PI4KA: variants seen among roughly 807,000 people sequenced by gnomAD.
PI4KA encodes phosphatidylinositol 4-kinase alpha, also known as PI4-kinase alpha.
In PI4KA, 122 loss-of-function variants were observed where a neutral mutation model predicts 271.4. That is an observed-to-expected ratio of 0.45 (90% CI 0.39 to 0.52). The LOEUF (loss-of-function observed/expected upper bound fraction) is 0.52. Among genes scored for constraint, PI4KA ranks in the 20% least tolerant of loss-of-function variants. The probability of loss-of-function intolerance (pLI) is 0.00; values close to 1 mark genes in which losing one functional copy is unlikely to be tolerated. For synonymous variants in PI4KA, 1,041 were observed against 1,078.8 expected (o/e 0.96, Z 0.69); for missense variants, 1,969 against 2,769.1 (o/e 0.71, Z 6.48).
At chr22:20,840,363 C>G (rs1187203772) in intron 1 of PI4KA, among the ~76,000 whole-genome samples, 1 of 152,184 alleles carries the variant, frequency 6.6e-6, no homozygotes, top group African/African-American at 2.4e-5. Flanking sequence ...CAGGTCCAGA[C>G]AGAGAAGGTC....
intron 23 of PI4KA, among the ~76,000 whole-genome samples, chr22:20,755,665 G>A (rs1209248007): frequency 6.6e-6 from 1 of 152,052 alleles, no homozygotes; most frequent in Non-Finnish European, 1.5e-5. Context: ...GCTGGGCACG[G>A]TGGTGCACAC....
chr22:20,742,962 C>G, intron 30 of PI4KA, 198 bp from the exon 31 acceptor site: 1 of 575,362 alleles, frequency 1.7e-6, no homozygotes, highest in South Asian at 2.1e-5. Context: ...TAAAGAACAG[C>G]TCCTCTAGAA....
At chr22:20,822,629 G>C (rs1431624690) in intron 4 of PI4KA, among the ~76,000 whole-genome samples, 1 of 152,108 alleles carries the variant, frequency 6.6e-6, no homozygotes, top group Non-Finnish European at 1.5e-5. Context: ...TCACCCTTTG[G>C]GACAGTCCTT....
intron 19 of PI4KA, chr22:20,784,319 C>T (rs1934036436): frequency 6.3e-7 from 1 of 1,594,574 alleles, no homozygotes; most frequent in South Asian, 1.1e-5. Context: ...GAAAATGGAT[C>T]ATTTTTTTAA....
chr22:20,856,140 C>A (rs1180268403), intron 1 of PI4KA, among the ~76,000 whole-genome samples: 2 of 152,104 alleles, frequency 1.3e-5, no homozygotes, highest in Non-Finnish European at 2.9e-5. Flanking sequence ...TACTAAACCC[C>A]GTCTCTACTA....
chr22:20,851,186 CCTAT>C (rs1329598668), intron 1 of PI4KA, among the ~76,000 whole-genome samples: 1 of 100,810 alleles, frequency 9.9e-6, no homozygotes, highest in Non-Finnish European at 1.9e-5. Context: ...ACAGTGAGAC[CCTAT>C]CTATTTTTTT....
intron 32 of PI4KA, chr22:20,736,878 A>C (rs1445351593): frequency 6.5e-6 from 1 of 153,348 alleles, no homozygotes; most frequent in Non-Finnish European, 1.5e-5. Flanking sequence ...CAGTGATGAG[A>C]GGGACCTCGC....
chr22:20,742,536 TGGCTATG>T (rs1276700560), intron 31 of PI4KA, 65 bp downstream of exon 31: 6 of 1,581,256 alleles, frequency 3.8e-6, no homozygotes, highest in Non-Finnish European at 4.3e-6. Flanking sequence ...GTACTCCAGC[TGGCTATG>T]GGTCATCAAG....
intron 5 of PI4KA, 94 bp downstream of exon 5, chr22:20,820,445 A>G (rs180890156): frequency 3.6e-6 from 3 of 826,522 alleles, no homozygotes; most frequent in South Asian, 3.1e-5. Flanking sequence ...CCCATCATAT[A>G]TATTAGGTAC....
intron 10 of PI4KA, 70 bp downstream of exon 10, chr22:20,807,292 A>AGTG (rs1935714735): frequency 1.1e-6 from 1 of 933,482 alleles, no homozygotes; most frequent in African/African-American, 1.6e-5. Flanking sequence ...GTCTGCAACC[A>AGTG]CTAGCATGCG....
rs867494306 is a variant in PI4KA at position 20,719,929 on chromosome 22, G to C, written c.5117-1107C>G. ...TAGTCCCAGCTACTCGGGAGGCTGA[G>C]GCAGGAGAATGGCGTGAACCTGGGA... On this transcript the variant is annotated intron_variant, in intron 43 of 54. Transcript: ENST00000255882. Among the ~76,000 whole-genome samples, 5 of 151,684 alleles carry C rather than the reference G, an allele frequency of 3.3e-5. No homozygotes were observed. In the Middle Eastern group the frequency reaches 0.01, roughly 310 times the overall value.
chr22:20,799,707 A>G lies in PI4KA; in HGVS notation c.1784T>C (p.Leu595Pro). ...CTGAGAGATGTAGAGCCGGTTGGAC[A>G]GGCTGGCCAAGAACGCCTCCACAAT... ...PVIVEAFLAS[L>P]SNRLYISQES... is the part of the protein sequence containing the mutation. The change falls in exon 15 of 55, where the codon CTG becomes CCG. Residue 595 changes from leucine to proline, a missense_variant. Transcript: ENST00000255882. 6.4e-7 allele frequency: 1 copy of G among 1,553,022 alleles called. No homozygotes were observed. The highest frequency in any genetic ancestry group is 8.7e-7 in the Non-Finnish European group (1 of 1,147,662).
chr22:20,788,867 G>C (rs1056909959), intron 19 of PI4KA, among the ~76,000 whole-genome samples: 8 of 151,872 alleles, frequency 5.3e-5, no homozygotes, highest in African/African-American at 1.9e-4. Flanking sequence ...CTTCCTTTTG[G>C]CTCTTCTCAT....
intron 42 of PI4KA, 23 bp from the exon 43 acceptor site, chr22:20,721,441 T>A: frequency 6.2e-7 from 1 of 1,611,914 alleles, no homozygotes; most frequent in Non-Finnish European, 8.5e-7. Flanking sequence ...AAGGTCCCTG[T>A]CAGCCAGGCT....
At chr22:20,799,854 A>G (rs527734931) in intron 14 of PI4KA, 88 bp from the exon 15 acceptor site, 14 of 744,152 alleles carry the variant, frequency 1.9e-5, no homozygotes, top group Admixed American at 9.0e-5. Flanking sequence ...TAGGCCTACA[A>G]AGTTTAAAGA....
chr22:20,733,740 A>G lies in PI4KA; in HGVS notation c.4156T>C (p.Phe1386Leu). 6.2e-7 allele frequency: 1 copy of G among 1,613,844 alleles called. No homozygotes were observed. The highest frequency in any genetic ancestry group is 2.2e-5 in the East Asian group (1 of 44,878). ...CAGCACATCTTGGGGGAGTACCTGA[A>G]GTAGTCAAAGGCAGTGGAGTAGATC... ...EKIYSTAFDY[F>L]SCPPKFPTQG... is the part of the protein sequence containing the mutation. Residue 1386 changes from phenylalanine to leucine, a missense_variant, in exon 35 of 55, where the codon TTC becomes CTC. Around this residue, in one of 13 missense-constraint regions of PI4KA, gnomAD observed 72 missense variants for 103.1 expected, o/e 0.70. Coordinates refer to ENST00000255882, the MANE Select transcript of PI4KA (RefSeq NM_058004.4).
In PI4KA at chr22:20,824,319, T is replaced by A. The variant is rs1291985180; in HGVS notation, c.456+7A>T. On this transcript the variant is annotated splice_region_variant and intron_variant, in intron 4 of 54. Coordinates refer to ENST00000255882, the MANE Select transcript of PI4KA (RefSeq NM_058004.4). ...AATGCATACCAAATCAACCAACACA[T>A]GCTTACCTCATCCCTAAGTGAAGGA... 6.3e-7 allele frequency: 1 copy of A among 1,583,626 alleles called. No homozygotes were observed. Among genetic ancestry groups the A allele is most frequent in the Admixed American group, 1.7e-5 (1 of 59,942 alleles).
chr22:20,742,838 C>A (rs1929626511), intron 30 of PI4KA, 74 bp from the exon 31 acceptor site: 2 of 1,437,766 alleles, frequency 1.4e-6, no homozygotes, highest in Non-Finnish European at 1.9e-6. Flanking sequence ...AGCCACCAGA[C>A]CACACTTGTG....
chr22:20,807,438 G>C lies in PI4KA; in HGVS notation c.1092C>G (p.Leu364=). The C allele has an allele frequency of 1.9e-6, 3 of 1,612,368 alleles. No homozygotes were observed. Among genetic ancestry groups the C allele is most frequent in the Non-Finnish European group, 2.5e-6 (3 of 1,178,416 alleles). ...SVMEANPSAD[L]YYTSFSDPLY... ...GAGGGTCACTGAAGGAAGTGTAGTAGAGATCAGCACTGGGGTTGGCCTGCA... is the reference window on the plus strand; with the variant it reads ...GAGGGTCACTGAAGGAAGTGTAGTACAGATCAGCACTGGGGTTGGCCTGCA... Residue 364 remains leucine, a synonymous_variant, in exon 10 of 55, where the codon CTC becomes CTG. Coordinates refer to ENST00000255882, the MANE Select transcript of PI4KA (RefSeq NM_058004.4).
Sources: gnomAD v4.1 joint callset for allele counts (sites outside exome capture counted in the v4.1 genomes callset) on GRCh38, gnomAD v4.1.1 for gene constraint, gnomAD v4.1.1 regional missense constraint, MANE v1.5 for transcripts, NCBI Gene and HGNC (gene_info 2026-07-23, HGNC 2026-07-21) for gene names.